RMDN1: variants seen among roughly 807,000 people sequenced by gnomAD.
RMDN1 encodes regulator of microtubule dynamics protein 1.
Under a neutral mutation model 48.9 loss-of-function variants are expected in RMDN1, and 48 were observed. The ratio of observed to expected loss-of-function variants is 0.98; its 90% CI spans 0.78 to 1.25. RMDN1 has a LOEUF of 1.25. RMDN1 is among the 50% of genes most tolerant of loss of function. The pLI is 0.00. For synonymous variants in RMDN1, 148 were observed against 132.6 expected, an observed-to-expected ratio of 1.12 and a Z score of -0.80; for missense variants, 418 against 373.4, an observed-to-expected ratio of 1.12 and a Z score of -0.98.
intron 2 of RMDN1, chr8:86,505,448 T>C (rs1368844863): frequency 6.8e-6 from 3 of 439,322 alleles, no homozygotes; most frequent in African/African-American, 2.0e-5. Flanking sequence ...GAAGAAGATA[T>C]ACATATGAGT....
At chr8:86,505,684 G>A (rs181756051) in intron 2 of RMDN1, among the ~76,000 whole-genome samples, 16 of 152,262 alleles carry the variant, frequency 1.1e-4, no homozygotes, top group Non-Finnish European at 1.6e-4. Flanking sequence ...AATAAAAACA[G>A]AAGGAAATTG....
In RMDN1 at chr8:86,486,102, A is replaced by C. The variant is rs116687730; in HGVS notation, c.495+382T>G. 4.8e-3 allele frequency among the ~76,000 whole-genome samples: 726 copies of C among 152,284 alleles called. 5 individuals carry two copies. The highest frequency in any genetic ancestry group is 0.017 in the African/African-American group (687 of 41,560). ...TCTAGCTGTTATATTCCTACCTCTA[A>C]ATAAAACAGAAATATAACGTAAGGA... is the stretch of plus-strand genomic sequence containing the variant. On this transcript the variant is annotated intron_variant, in intron 4 of 9. Transcript: ENST00000406452.
At chr8:86,492,209 C>A (rs1412990781) in intron 2 of RMDN1, among the ~76,000 whole-genome samples, 5 of 152,070 alleles carry the variant, frequency 3.3e-5, no homozygotes, top group Non-Finnish European at 7.4e-5. Context: ...TTTTAAAAAA[C>A]ACACAAAAAC....
intron 2 of RMDN1, chr8:86,504,008 A>C: frequency 1.3e-6 from 1 of 779,716 alleles, no homozygotes; most frequent in South Asian, 1.3e-5. Flanking sequence ...TACATTGGAG[A>C]GATCTCAGCT....
rs1334398419 is a variant in RMDN1, at chr8:86,473,949, C to T, written c.*359G>A. ...TTAGAATCAATCCAATTTGAAAATCCATCCCCCTGTATATCCCCTATAGAT... is the reference window on the plus strand; with the variant it reads ...TTAGAATCAATCCAATTTGAAAATCTATCCCCCTGTATATCCCCTATAGAT... On this transcript the variant is annotated 3_prime_UTR_variant, in exon 10 of 10. Transcript: ENST00000406452. The T allele has an allele frequency of 2.0e-6, 2 of 1,012,268 alleles. No individual in the cohort carries two copies. The highest frequency in any genetic ancestry group is 2.4e-6 in the Non-Finnish European group (2 of 847,474). 62.7% of individuals were successfully genotyped at this position (1,012,268 alleles called of 1,614,324 possible).
chr8:86,484,920 G>A lies in RMDN1; in HGVS notation c.537C>T (p.Gly179=), dbSNP rs946557678. 6 of 1,607,896 alleles carry A rather than the reference G, an allele frequency of 3.7e-6. No individual in the cohort carries two copies. The highest frequency in any genetic ancestry group is 2.2e-5 in the South Asian group (2 of 90,398). The part of the protein sequence containing the change: ...ICLSDVGDYE[G]IKAKIANAYI... ...ATGCATTTGCAATTTTAGCCTTGAT[G>A]CCTTCATAATCTCCAACATCACTAA... Residue 179 remains glycine, a synonymous_variant, in exon 5 of 10, where the codon GGC becomes GGT. Coordinates refer to ENST00000406452, the MANE Select transcript of RMDN1 (RefSeq NM_016033.3).
chr8:86,479,244 T>C (rs942083325), intron 6 of RMDN1, among the ~76,000 whole-genome samples: 8 of 152,270 alleles, frequency 5.3e-5, no homozygotes, highest in Admixed American at 3.3e-4. Flanking sequence ...AGTAATATAA[T>C]ATACATCTAC....
downstream of RMDN1, among the ~76,000 whole-genome samples, chr8:86,468,933 T>C (rs1233119833): frequency 1.3e-5 from 2 of 152,072 alleles, no homozygotes; most frequent in African/African-American, 2.4e-5. Flanking sequence ...AGTGCAAGAC[T>C]CTCTGTGCCC....
At chr8:86,508,447 C>T in intron 1 of RMDN1, 45 bp downstream of exon 1, 1 of 1,521,890 alleles carries the variant, frequency 6.6e-7, no homozygotes, top group Non-Finnish European at 8.8e-7. Flanking sequence ...AGCCGGAACC[C>T]ACTGAGTAGG....
chr8:86,503,769 T>C, intron 2 of RMDN1: 1 of 500,446 alleles, frequency 2.0e-6, no homozygotes, highest in Non-Finnish European at 3.9e-6. Flanking sequence ...CTCTGGTCCT[T>C]GTCTGTGGCC....
intron 5 of RMDN1, chr8:86,481,798 T>G (rs936150672): frequency 2.7e-6 from 3 of 1,097,346 alleles, no homozygotes; most frequent in Non-Finnish European, 3.7e-6. Context: ...CCATCTTCAT[T>G]TTTTTTGTAG....
downstream of RMDN1, chr8:86,470,015 T>C (rs10100368): frequency 0.32 from 90,790 of 281,496 alleles, 16,482 homozygotes; most frequent in African/African-American, 0.55. Flanking sequence ...CCACAGCTAG[T>C]ACACAGCCCA....
In RMDN1 at chr8:86,502,739, G is replaced by T. The variant is rs558741393; in HGVS notation, c.247+4256C>A. 3.3e-5 allele frequency among the ~76,000 whole-genome samples: 5 copies of T among 152,142 alleles called. No individual in the cohort carries two copies. The South Asian group carries it at 1.0e-3, about 32-fold the overall frequency. Reference sequence around the variant, plus strand: ...AACACCCCGGGATTGGTTTCATTTTGTCACTATAAAGCAGGGATTAGCAAA... The same window carrying T: ...AACACCCCGGGATTGGTTTCATTTTTTCACTATAAAGCAGGGATTAGCAAA... On this transcript the variant is annotated intron_variant, in intron 2 of 9. Transcript: ENST00000406452.
At chr8:86,498,386 G>A (rs1817710199) in intron 2 of RMDN1, among the ~76,000 whole-genome samples, 1 of 151,982 alleles carries the variant, frequency 6.6e-6, no homozygotes, top group African/African-American at 2.4e-5. Flanking sequence ...CAAAGAGAAG[G>A]GACTCCTGCC....
chr8:86,501,069 C>A (rs558225154), intron 2 of RMDN1, among the ~76,000 whole-genome samples: 2 of 152,138 alleles, frequency 1.3e-5, no homozygotes, highest in African/African-American at 4.8e-5. Flanking sequence ...AGGAGGTAGG[C>A]GAGTGTCAAA....
At chr8:86,508,722 G>C, upstream of RMDN1, 2 of 1,418,116 alleles carry the variant, frequency 1.4e-6, no homozygotes, top group Non-Finnish European at 1.8e-6. Flanking sequence ...GCGCCCGCCC[G>C]CCTCCTGCAC....
At chr8:86,494,946 C>G (rs1817085418) in intron 2 of RMDN1, 2 of 437,036 alleles carry the variant, frequency 4.6e-6, no homozygotes, top group Non-Finnish European at 9.1e-6. Flanking sequence ...CACACTCTAC[C>G]CTCAGTGACA....
At chr8:86,479,932 G>C (rs1382240245) in intron 6 of RMDN1, among the ~76,000 whole-genome samples, 1 of 152,068 alleles carries the variant, frequency 6.6e-6, no homozygotes, top group African/African-American at 2.4e-5. Context: ...AATCAAGACT[G>C]TATCTGACAC....
intron 2 of RMDN1, among the ~76,000 whole-genome samples, chr8:86,492,688 TAAAG>T (rs1563629821): frequency 7.6e-6 from 1 of 131,780 alleles, no homozygotes. Flanking sequence ...ATAATAATAA[TAAAG>T]AGATAATGAA....
Sources: allele counts gnomAD v4.1 joint callset (sites outside exome capture counted in the v4.1 genomes callset), GRCh38; gene constraint gnomAD v4.1.1; transcripts MANE v1.5; gene names NCBI Gene and HGNC (gene_info 2026-07-23, HGNC 2026-07-21).